Variants in IGF1R observed in about 807,000 individuals in gnomAD.
IGF1R encodes insulin like growth factor 1 receptor.
IGF1R carries 44 observed loss-of-function variants against 144.6 expected under a neutral mutation model. The observed-to-expected ratio is 0.30, with a 90% CI of 0.24 to 0.39. IGF1R has a LOEUF of 0.39. Among genes scored for constraint, IGF1R ranks in the 10% least tolerant of loss-of-function variants. The probability of loss-of-function intolerance (pLI) is 1.00; values close to 1 mark genes in which losing one functional copy is unlikely to be tolerated. For synonymous variants in IGF1R, 795 were observed against 722.8 expected, an observed-to-expected ratio of 1.10 and a Z score of -1.60; for missense variants, 1,355 against 1,833.7, an observed-to-expected ratio of 0.74 and a Z score of 4.77.
chr15:98,925,150 C>T (rs1265229941), intron 13 of IGF1R, among the ~76,000 whole-genome samples: 1 of 152,124 alleles, frequency 6.6e-6, no homozygotes, highest in Non-Finnish European at 1.5e-5. Context: ...CAGCCTGCTA[C>T]AGGGCAGGAA....
intron 2 of IGF1R, among the ~76,000 whole-genome samples, chr15:98,885,997 A>T (rs977712123): frequency 1.3e-5 from 2 of 151,970 alleles, no homozygotes; most frequent in African/African-American, 4.8e-5. Context: ...TTGTATTTTT[A>T]GTAAGAGATG....
At chr15:98,691,566 G>T (rs1274549490) in intron 1 of IGF1R, among the ~76,000 whole-genome samples, 3 of 152,040 alleles carry the variant, frequency 2.0e-5, no homozygotes, top group Non-Finnish European at 4.4e-5. Context: ...GTTTCACCAG[G>T]TTGGGCAGGC....
chr15:98,924,762 A>G (rs1204898216), intron 13 of IGF1R, 78 bp downstream of exon 13: 8 of 1,280,280 alleles, frequency 6.2e-6, no homozygotes, highest in African/African-American at 1.5e-5. Context: ...CCGAGTGTTC[A>G]TGGCTGTCTT....
At chr15:98,821,416 G>A (rs146672809) in intron 2 of IGF1R, among the ~76,000 whole-genome samples, 37 of 152,208 alleles carry the variant, frequency 2.4e-4, no homozygotes, top group East Asian at 1.7e-3. Flanking sequence ...TAAGTAGACC[G>A]TGAATTTAGA....
chr15:98,889,210 T>C (rs2013789053), intron 2 of IGF1R, among the ~76,000 whole-genome samples: 1 of 152,240 alleles, frequency 6.6e-6, no homozygotes, highest in African/African-American at 2.4e-5. Flanking sequence ...TGTCAAAGGA[T>C]GACTTCAAAA....
At chr15:98,940,243 A>G (rs2016315270) in intron 18 of IGF1R, among the ~76,000 whole-genome samples, 2 of 152,246 alleles carry the variant, frequency 1.3e-5, no homozygotes, top group Admixed American at 1.3e-4. Context: ...GGGAGATTTA[A>G]CACCCAAAAG....
Position 98,936,122 on chromosome 15 carries a change from T to C in IGF1R, c.3297+696T>C, listed in dbSNP as rs114883333. 4.3e-3 allele frequency among the ~76,000 whole-genome samples: 648 copies of C among 152,330 alleles called. 3 individuals carry two copies. The highest frequency in any genetic ancestry group is 0.015 in the African/African-American group (609 of 41,574). On this transcript the variant is annotated intron_variant, in intron 17 of 20. Transcript: ENST00000650285. ...CCCGGCATTGTTGGCGGTCCTTGTC[T>C]TTGCCACTGGGAATCTGGTTTCCTC...
chr15:98,868,534 G>A (rs377255692), intron 2 of IGF1R, among the ~76,000 whole-genome samples: 9 of 151,756 alleles, frequency 5.9e-5, no homozygotes, highest in Non-Finnish European at 1.0e-4. Flanking sequence ...TACGAGTTAC[G>A]AGAATTACGC....
intron 2 of IGF1R, among the ~76,000 whole-genome samples, chr15:98,745,116 T>C (rs2054832448): frequency 6.6e-6 from 1 of 152,246 alleles, no homozygotes. Context: ...CTTCTTTTTC[T>C]ATCAGTATTA....
At chr15:98,890,364 G>A (rs2013845390) in intron 2 of IGF1R, 1 of 152,236 alleles carries the variant, frequency 6.6e-6, no homozygotes, top group Non-Finnish European at 1.5e-5. Context: ...ATGGTAACGA[G>A]AGTGACCTGT....
At chr15:98,727,986 T>C (rs1214700387) in intron 2 of IGF1R, among the ~76,000 whole-genome samples, 1 of 147,580 alleles carries the variant, frequency 6.8e-6, no homozygotes, top group African/African-American at 2.5e-5. Context: ...AGGTAGCCAC[T>C]GTACTCACTG....
intron 2 of IGF1R, among the ~76,000 whole-genome samples, chr15:98,868,492 C>T (rs1191835423): frequency 1.3e-5 from 2 of 151,828 alleles, no homozygotes; most frequent in Non-Finnish European, 2.9e-5. Flanking sequence ...CCTCTTAGAC[C>T]CTCAGTCTGG....
rs1233726059 is a variant in IGF1R at position 98,960,396 on chromosome 15, T to TG, written c.*2959dup. ...GCCAACGAGGGCACCAGAGCACACC[T>TG]GGGGGAGCCACCAGGCTGTCCCTGG... On this transcript the variant is annotated 3_prime_UTR_variant, in exon 21 of 21. Transcript: ENST00000650285. 5 of 233,122 alleles carry TG rather than the reference T, an allele frequency of 2.1e-5. No individual in the cohort carries two copies. Among genetic ancestry groups the TG allele is most frequent in the Non-Finnish European group, 4.2e-5 (5 of 118,022 alleles). The allele number at this position is 233,122 out of a possible 1,614,324, so 14.4% of individuals were successfully genotyped here.
intron 1 of IGF1R, among the ~76,000 whole-genome samples, chr15:98,677,718 A>T (rs571024493): frequency 4.7e-4 from 71 of 152,294 alleles, no homozygotes; most frequent in Admixed American, 2.2e-3. Context: ...AGAAGTTGAG[A>T]AGGAATGAAG....
chr15:98,776,389 T>C (rs2055716444), intron 2 of IGF1R, among the ~76,000 whole-genome samples: 2 of 152,110 alleles, frequency 1.3e-5, no homozygotes, highest in South Asian at 4.1e-4. Context: ...TTTTGCCATG[T>C]TGGCCAGACT....
At chr15:98,837,602 C>T (rs928147819) in intron 2 of IGF1R, among the ~76,000 whole-genome samples, 2 of 152,124 alleles carry the variant, frequency 1.3e-5, no homozygotes, top group African/African-American at 4.8e-5. Context: ...TGGCCTCCCA[C>T]CTCAGCCTCC....
At chr15:98,950,678 C>A (rs1373291455) in intron 20 of IGF1R, among the ~76,000 whole-genome samples, 4 of 152,206 alleles carry the variant, frequency 2.6e-5, no homozygotes, top group African/African-American at 4.8e-5. Context: ...AAAGTCAGAT[C>A]TACCCAGGAT....
chr15:98,931,345 A>T (rs574015219), intron 15 of IGF1R, among the ~76,000 whole-genome samples: 1 of 152,366 alleles, frequency 6.6e-6, no homozygotes, highest in African/African-American at 2.4e-5. Context: ...GAGATGTGAA[A>T]TAAAGAGACA....
chr15:98,747,206 G>GTTGT lies in IGF1R; in HGVS notation c.640+39100_640+39101insTGTT, dbSNP rs112970502. On this transcript the variant is annotated intron_variant, in intron 2 of 20. Transcript: ENST00000650285. The stretch of plus-strand genomic sequence containing the variant: ...ATTTGTCGTTGTTGTTGTTGTTGTT[G>GTTGT]TGTTTTTGAGACAGAGTTTCACTCT... 7.4e-4 allele frequency among the ~76,000 whole-genome samples: 113 copies of GTTGT among 151,718 alleles called. 2 individuals carry two copies. Among genetic ancestry groups the GTTGT allele is most frequent in the African/African-American group, 1.5e-3 (62 of 41,356 alleles).
Sources: gnomAD v4.1 joint callset for allele counts (sites outside exome capture counted in the v4.1 genomes callset) on GRCh38, gnomAD v4.1.1 for gene constraint, MANE v1.5 for transcripts, NCBI Gene and HGNC (gene_info 2026-07-23, HGNC 2026-07-21) for gene names.